The following ABCA12 variants were observed in gnomAD, a reference collection of about 807,000 sequenced individuals.
The protein encoded by ABCA12 is glucosylceramide transporter ABCA12.
ABCA12 carries 156 observed loss-of-function variants against 293.5 expected under a neutral mutation model. The ratio of observed to expected loss-of-function variants is 0.53; its 90% CI spans 0.47 to 0.61. ABCA12 has a LOEUF of 0.61. Among genes scored for constraint, ABCA12 ranks in the 20% least tolerant of loss-of-function variants. ABCA12 has a pLI of 0.00. For missense variants in ABCA12, 2,797 were observed against 3,090.2 expected, an observed-to-expected ratio of 0.91 and a Z score of 2.25; for synonymous variants, 1,063 against 1,108.0, an observed-to-expected ratio of 0.96 and a Z score of 0.81.
chr2:215,099,490 C>T (rs910842803), intron 2 of ABCA12, among the ~76,000 whole-genome samples: 3 of 152,098 alleles, frequency 2.0e-5, no homozygotes, highest in African/African-American at 4.8e-5. Context: ...GTCAAGAGAT[C>T]GAGACCATCC....
At position 215,010,370 on chromosome 2, in the gene ABCA12, A is replaced by C. The variant is rs779356956; in HGVS notation, c.2433T>G (p.Tyr811Ter). The part of the protein sequence containing the change: ...LKPMLLGRIL[Y>*]APYNPVTKAI... ...CCTTTGTGACTGGGTTATATGGTGC[A>C]TACAAAATTCTTCCCAACAACATAG... The change falls in exon 18 of 53, where the codon TAT becomes TAG. Residue 811 changes from tyrosine (Y) to a stop codon, truncating the protein, a stop_gained. Coordinates refer to ENST00000272895, the MANE Select transcript of ABCA12 (RefSeq NM_173076.3). LOFTEE classifies it high-confidence loss of function. 1.9e-6 allele frequency: 3 copies of C among 1,613,858 alleles called. No homozygotes were observed. The highest frequency in any genetic ancestry group is 2.5e-6 in the Non-Finnish European group (3 of 1,179,766).
intron 2 of ABCA12, among the ~76,000 whole-genome samples, chr2:215,074,607 G>A (rs1701799038): frequency 6.6e-6 from 1 of 152,054 alleles, no homozygotes; most frequent in Admixed American, 6.6e-5. Context: ...ATACAGAAAC[G>A]TGATCATTTA....
intron 10 of ABCA12, 95 bp from the exon 11 acceptor site, chr2:215,025,874 T>A: frequency 1.2e-6 from 1 of 842,060 alleles, no homozygotes; most frequent in Non-Finnish European, 2.0e-6. Flanking sequence ...TATTACTAAA[T>A]TTTTCCTAAG....
At chr2:215,115,840 G>A (rs578244633) in intron 1 of ABCA12, among the ~76,000 whole-genome samples, 4 of 152,288 alleles carry the variant, frequency 2.6e-5, no homozygotes, top group South Asian at 4.1e-4. Context: ...AGGGAAGTGG[G>A]GCCTTAGAAG....
chr2:215,024,320 G>C (rs1700693983), intron 11 of ABCA12, among the ~76,000 whole-genome samples: 1 of 152,122 alleles, frequency 6.6e-6, no homozygotes, highest in Admixed American at 6.6e-5. Context: ...GCACTTTGGG[G>C]TAAGAGGCTA....
chr2:215,069,682 C>A (rs1701700423), intron 2 of ABCA12, among the ~76,000 whole-genome samples: 1 of 152,054 alleles, frequency 6.6e-6, no homozygotes, highest in South Asian at 2.1e-4. Flanking sequence ...GTGTCCTGTC[C>A]ACCACCCACC....
At chr2:214,999,841 A>G (rs1700104446) in intron 22 of ABCA12, 1 of 984,406 alleles carries the variant, frequency 1.0e-6, no homozygotes, top group South Asian at 4.7e-5. Context: ...CTCATTTATA[A>G]CTCTTGAAGT....
At chr2:215,101,093 ATATCC>A (rs890776641) in intron 2 of ABCA12, among the ~76,000 whole-genome samples, 2 of 152,170 alleles carry the variant, frequency 1.3e-5, no homozygotes, top group Non-Finnish European at 2.9e-5. Context: ...GAGACTTCTG[ATATCC>A]TGGGGATTAC....
At chr2:214,950,484 A>T (rs570028370) in intron 45 of ABCA12, among the ~76,000 whole-genome samples, 2 of 135,036 alleles carry the variant, frequency 1.5e-5, no homozygotes, top group African/African-American at 6.5e-5. Context: ...ATATTTCTAG[A>T]AAAAAATTGT....
At chr2:214,969,226 A>G (rs972115254) in intron 37 of ABCA12, among the ~76,000 whole-genome samples, 3 of 151,956 alleles carry the variant, frequency 2.0e-5, no homozygotes, top group African/African-American at 7.2e-5. Flanking sequence ...CTATATAACA[A>G]ATTTTCCCCT....
At chr2:214,991,074 C>T in intron 23 of ABCA12, 43 bp from the exon 24 acceptor site, 1 of 1,554,860 alleles carries the variant, frequency 6.4e-7, no homozygotes, top group Non-Finnish European at 8.9e-7. Context: ...TGCTGATATT[C>T]TTCCAAATAA....
intron 15 of ABCA12, 38 bp downstream of exon 15, chr2:215,015,452 A>C (rs766488237): frequency 9.0e-6 from 14 of 1,559,206 alleles, no homozygotes; most frequent in African/African-American, 1.4e-5. Flanking sequence ...TTTTATATAA[A>C]CCATGAATAT....
intron 1 of ABCA12, among the ~76,000 whole-genome samples, chr2:215,113,023 A>C (rs1487886891): frequency 6.6e-6 from 1 of 152,218 alleles, no homozygotes; most frequent in East Asian, 1.9e-4. Context: ...TATACTTAAT[A>C]AAGTGAAACT....
intron 31 of ABCA12, 45 bp downstream of exon 31, chr2:214,980,438 T>C: frequency 6.2e-7 from 1 of 1,610,846 alleles, no homozygotes; most frequent in Non-Finnish European, 8.5e-7. Flanking sequence ...CATATAAAAC[T>C]TAATTTATGG....
chr2:215,051,335 A>C (rs1218067670), intron 5 of ABCA12, among the ~76,000 whole-genome samples: 1 of 152,090 alleles, frequency 6.6e-6, no homozygotes, highest in Admixed American at 6.6e-5. Flanking sequence ...GACAGATTGA[A>C]AGGTCCTCTA....
At chr2:215,019,125 G>A (rs915741326) in intron 13 of ABCA12, among the ~76,000 whole-genome samples, 15 of 152,170 alleles carry the variant, frequency 9.9e-5, no homozygotes, top group African/African-American at 3.4e-4. Flanking sequence ...TTTTTGCTGT[G>A]AAATCAGATT....
chr2:214,992,462 G>GAAAAAAAAAAA (rs35911401), intron 23 of ABCA12, among the ~76,000 whole-genome samples: 2 of 77,354 alleles, frequency 2.6e-5, no homozygotes, highest in Non-Finnish European at 4.3e-5. Flanking sequence ...AAAAAAAAAT[G>GAAAAAAAAAAA]AAAAAAAAAA....
chr2:215,104,252 T>C (rs1402789916), intron 2 of ABCA12, among the ~76,000 whole-genome samples: 1 of 152,182 alleles, frequency 6.6e-6, no homozygotes, highest in Non-Finnish European at 1.5e-5. Context: ...TACCCTTCCT[T>C]ACTCTTAATT....
chr2:215,131,812 C>T (rs1477237197), intron 1 of ABCA12, among the ~76,000 whole-genome samples: 1 of 149,316 alleles, frequency 6.7e-6, no homozygotes, highest in Non-Finnish European at 1.5e-5. Context: ...TTTCTAGTAC[C>T]TTCAAGTGTG....
Sources: gnomAD v4.1 joint callset for allele counts (sites outside exome capture counted in the v4.1 genomes callset) on GRCh38, gnomAD v4.1.1 for gene constraint, MANE v1.5 for transcripts, NCBI Gene and HGNC (gene_info 2026-07-23, HGNC 2026-07-21) for gene names.